The following PEX13 variants were observed in gnomAD, a reference collection of about 807,000 sequenced individuals.
The protein encoded by PEX13 is peroxisome biogenesis factor 13.
In PEX13, 28 loss-of-function variants were observed where a neutral mutation model predicts 34.5. The ratio of observed to expected loss-of-function variants is 0.81; its 90% CI spans 0.60 to 1.11. The LOEUF is 1.11. PEX13 is among the 50% of genes most tolerant of loss of function. The pLI is 0.00. For missense variants in PEX13, 550 were observed against 491.0 expected, an observed-to-expected ratio of 1.12 and a Z score of -1.13; for synonymous variants, 177 against 175.1, an observed-to-expected ratio of 1.01 and a Z score of -0.09.
At chr2:61,026,224 TTAAAA>T (rs1349781900) in intron 1 of PEX13, among the ~76,000 whole-genome samples, 3 of 152,172 alleles carry the variant, frequency 2.0e-5, no homozygotes, top group Non-Finnish European at 2.9e-5. Flanking sequence ...CAACCATTAC[TTAAAA>T]TAGAATTCCC....
intron 1 of PEX13, chr2:61,018,216 C>A: frequency 6.4e-7 from 1 of 1,551,008 alleles, no homozygotes. Flanking sequence ...TTGAGAGCGG[C>A]ATTTGTCCAG....
At chr2:61,026,044 C>T (rs1680348877) in intron 1 of PEX13, among the ~76,000 whole-genome samples, 1 of 152,048 alleles carries the variant, frequency 6.6e-6, no homozygotes, top group Non-Finnish European at 1.5e-5. Context: ...TGGAATTGGC[C>T]CTGGTTTCTA....
Position 61,023,870 on chromosome 2 carries a change from A to G in PEX13, c.92+6019A>G, listed in dbSNP as rs375975568. On this transcript the variant is annotated intron_variant, in intron 1 of 3. Coordinates refer to ENST00000295030, the MANE Select transcript of PEX13 (RefSeq NM_002618.4). Reference sequence around the variant, plus strand: ...GAGTGTGGTGACGCAATCACACCTCACTGCAGCTTCCATCTCCCAGGGCTC... The same window carrying G: ...GAGTGTGGTGACGCAATCACACCTCGCTGCAGCTTCCATCTCCCAGGGCTC... Among the ~76,000 whole-genome samples the G allele has an allele frequency of 5.0e-4, 76 of 151,736 alleles. 1 individual carries two copies. In the South Asian group the frequency reaches 0.015, roughly 30 times the overall value.
chr2:61,022,529 C>T (rs994521642), intron 1 of PEX13, among the ~76,000 whole-genome samples: 2 of 152,202 alleles, frequency 1.3e-5, no homozygotes, highest in African/African-American at 4.8e-5. Context: ...TTGCATTTCT[C>T]AATGAACTTT....
rs1015105512 is a variant in PEX13, at chr2:61,048,818, T to C, written c.*48T>C. 1.1e-5 allele frequency: 16 copies of C among 1,406,964 alleles called. 1 individual carries two copies. In the Middle Eastern group the frequency reaches 8.9e-4, roughly 79 times the overall value. The allele number at this position is 1,406,964 out of a possible 1,614,324, so 87.2% of individuals were successfully genotyped here. On this transcript the variant is annotated 3_prime_UTR_variant, in exon 4 of 4. Coordinates refer to ENST00000295030, the MANE Select transcript of PEX13 (RefSeq NM_002618.4). Reference sequence around the variant, plus strand: ...TTGAACAATACTTTAGAGTACTTTTTAAAATTATTTCTCACAAAGAAATGA... The same window carrying C: ...TTGAACAATACTTTAGAGTACTTTTCAAAATTATTTCTCACAAAGAAATGA...
intron 2 of PEX13, among the ~76,000 whole-genome samples, chr2:61,034,520 A>G (rs188741783): frequency 2.9e-4 from 44 of 152,282 alleles, no homozygotes; most frequent in Admixed American, 1.3e-3. Context: ...TCACCCAGGA[A>G]GCACAAGGGG....
chr2:61,018,351 C>T, intron 1 of PEX13: 10 of 1,501,918 alleles, frequency 6.7e-6, no homozygotes, highest in Non-Finnish European at 8.9e-6. Context: ...TCTTTTCCAG[C>T]ATAACTCAGC....
chr2:61,044,707 C>T (rs1680678949), intron 2 of PEX13, among the ~76,000 whole-genome samples: 1 of 152,150 alleles, frequency 6.6e-6, no homozygotes, highest in East Asian at 1.9e-4. Flanking sequence ...GTAATTCAAA[C>T]GGAAACCACA....
intron 1 of PEX13, among the ~76,000 whole-genome samples, chr2:61,029,813 TAAAAA>T (rs546036099): frequency 1.4e-5 from 2 of 143,410 alleles, no homozygotes; most frequent in African/African-American, 2.6e-5. Flanking sequence ...CCCTGTCTCT[TAAAAA>T]AAAAAAGTAT....
chr2:61,018,829 G>A (rs1277328351), intron 1 of PEX13: 1 of 152,200 alleles, frequency 6.6e-6, no homozygotes, highest in African/African-American at 2.4e-5. Context: ...TTTTTTTTGA[G>A]TGGGTTCTTT....
In PEX13 at chr2:61,049,566, G is replaced by A. The variant is rs1172535750; in HGVS notation, c.*796G>A. ...AGGCGGGCAGATCACCTGAGGTTGG[G>A]AGTTCAAGACCACCCTGACCAACAT... On this transcript the variant is annotated 3_prime_UTR_variant, in exon 4 of 4. Transcript: ENST00000295030. 6.6e-6 allele frequency: 1 copy of A among 152,376 alleles called. No individual in the cohort carries two copies. Among genetic ancestry groups the A allele is most frequent in the African/African-American group, 2.4e-5 (1 of 41,430 alleles). The allele number at this position is 152,376 out of a possible 1,614,324, so 9.4% of individuals were successfully genotyped here. A position where few individuals can be genotyped will look rare whatever the true frequency, so the allele number is the denominator to read the frequency against.
chr2:61,022,292 GATGA>G (rs1680277693), intron 1 of PEX13, among the ~76,000 whole-genome samples: 1 of 152,218 alleles, frequency 6.6e-6, no homozygotes, highest in South Asian at 2.1e-4. Context: ...AAAAAGGTTA[GATGA>G]ATGGCTTACT....
intron 1 of PEX13, among the ~76,000 whole-genome samples, chr2:61,026,434 C>T (rs904050315): frequency 2.7e-5 from 4 of 150,262 alleles, no homozygotes; most frequent in Admixed American, 6.7e-5. Context: ...AACCTCTGTC[C>T]GCTTCCCAGG....
intron 3 of PEX13, among the ~76,000 whole-genome samples, chr2:61,047,131 T>G (rs1306001582): frequency 6.6e-6 from 1 of 152,032 alleles, no homozygotes; most frequent in East Asian, 1.9e-4. Flanking sequence ...CTCTAGACTT[T>G]TAGGTATTCT....
At chr2:61,021,177 G>T (rs72877522) in intron 1 of PEX13, among the ~76,000 whole-genome samples, 119 of 152,250 alleles carry the variant, frequency 7.8e-4, no homozygotes, top group African/African-American at 2.6e-3. Flanking sequence ...TTGAACACTG[G>T]TCGCACCCCA....
chr2:61,018,059 A>T (rs1384719514), intron 1 of PEX13: 1 of 1,493,056 alleles, frequency 6.7e-7, no homozygotes, highest in Non-Finnish European at 8.9e-7. Context: ...AGCTCTAATC[A>T]GCAACGTTTT....
intron 1 of PEX13, among the ~76,000 whole-genome samples, chr2:61,027,968 T>C (rs879424147): frequency 7.9e-5 from 12 of 152,220 alleles, no homozygotes; most frequent in Non-Finnish European, 1.2e-4. Context: ...ATTAAAACTT[T>C]AGCCTGGATT....
intron 2 of PEX13, among the ~76,000 whole-genome samples, chr2:61,039,106 A>G (rs1457957164): frequency 6.6e-6 from 1 of 152,216 alleles, no homozygotes; most frequent in African/African-American, 2.4e-5. Context: ...GACACAAACA[A>G]ATGGAAGAAC....
intron 1 of PEX13, among the ~76,000 whole-genome samples, chr2:61,022,040 C>A (rs954814115): frequency 2.0e-5 from 3 of 152,120 alleles, no homozygotes; most frequent in Non-Finnish European, 2.9e-5. Context: ...ACATCAAAGA[C>A]CAAAGGTAGA....
Sources: gnomAD v4.1 joint callset for allele counts (sites outside exome capture counted in the v4.1 genomes callset) on GRCh38, gnomAD v4.1.1 for gene constraint, MANE v1.5 for transcripts, NCBI Gene and HGNC (gene_info 2026-07-23, HGNC 2026-07-21) for gene names.